SEMA6A: variants seen among roughly 807,000 people sequenced by gnomAD.
SEMA6A encodes the protein semaphorin 6A.
SEMA6A carries 25 observed loss-of-function variants against 96.8 expected under a neutral mutation model. The observed-to-expected ratio is 0.26, with a 90% confidence interval of 0.19 to 0.36. SEMA6A has a LOEUF of 0.36. Ranked by LOEUF, SEMA6A falls within the 10% of genes least tolerant of loss-of-function variation. The pLI, the probability that SEMA6A is intolerant of heterozygous loss-of-function variation, is 1.00. For missense variants in SEMA6A, 1,363 were observed against 1,323.1 expected, an observed-to-expected ratio of 1.03 and a Z score of -0.47; for synonymous variants, 612 against 518.0, an observed-to-expected ratio of 1.18 and a Z score of -2.46.
At chr5:116,495,721 T>C (rs1219969581) in intron 5 of SEMA6A, 4 of 510,968 alleles carry the variant, frequency 7.8e-6, no homozygotes, top group African/African-American at 3.9e-5. Flanking sequence ...AAACAAAGCA[T>C]AGAATGGAAG....
intron 1 of SEMA6A, among the ~76,000 whole-genome samples, chr5:116,512,193 C>T (rs1011142134): frequency 1.3e-5 from 2 of 152,170 alleles, no homozygotes; most frequent in African/African-American, 4.8e-5. Context: ...CACATCCCAT[C>T]GTAATTAGAA....
intron 1 of SEMA6A, among the ~76,000 whole-genome samples, chr5:116,548,384 G>A (rs939858877): frequency 6.6e-6 from 1 of 152,182 alleles, no homozygotes; most frequent in African/African-American, 2.4e-5. Flanking sequence ...GGTATATGGA[G>A]TGAAGTTCCA....
intron 17 of SEMA6A, chr5:116,468,790 C>T (rs1755927899): frequency 1.3e-5 from 2 of 152,132 alleles, no homozygotes; most frequent in South Asian, 4.1e-4. Context: ...TTAAAAGATA[C>T]AAGGGCAACT....
At chr5:116,457,052 A>C (rs1454505448) in intron 18 of SEMA6A, among the ~76,000 whole-genome samples, 2 of 152,184 alleles carry the variant, frequency 1.3e-5, no homozygotes, top group Non-Finnish European at 2.9e-5. Flanking sequence ...GCCTAGCACA[A>C]CAGTTCACTC....
intron 1 of SEMA6A, among the ~76,000 whole-genome samples, chr5:116,540,982 CATG>C (rs1759936669): frequency 6.6e-6 from 1 of 152,208 alleles, no homozygotes; most frequent in Admixed American, 6.5e-5. Flanking sequence ...AATTCACAAT[CATG>C]ATAATATTAA....
At chr5:116,508,091 T>A (rs1281757129) in intron 1 of SEMA6A, 2 of 152,148 alleles carry the variant, frequency 1.3e-5, no homozygotes, top group African/African-American at 4.8e-5. Flanking sequence ...ACAAATGGTG[T>A]TGTGATTATT....
intron 1 of SEMA6A, among the ~76,000 whole-genome samples, chr5:116,510,145 C>T (rs1356708440): frequency 6.6e-6 from 1 of 152,106 alleles, no homozygotes; most frequent in Non-Finnish European, 1.5e-5. Flanking sequence ...TCCCAGCATG[C>T]TATACTGCCT....
intron 1 of SEMA6A, among the ~76,000 whole-genome samples, chr5:116,527,606 C>T (rs967263170): frequency 4.6e-5 from 7 of 152,252 alleles, no homozygotes; most frequent in Non-Finnish European, 8.8e-5. Context: ...AGAAAGAAGT[C>T]GGTAATGTGT....
At chr5:116,513,644 G>A (rs1030854000) in intron 1 of SEMA6A, among the ~76,000 whole-genome samples, 1 of 150,382 alleles carries the variant, frequency 6.6e-6, no homozygotes, top group African/African-American at 2.5e-5. Flanking sequence ...TTAAGTTCAG[G>A]GATACATGGG....
chr5:116,544,496 A>C (rs1414008363), intron 1 of SEMA6A, among the ~76,000 whole-genome samples: 1 of 150,598 alleles, frequency 6.6e-6, no homozygotes, highest in East Asian at 1.9e-4. Flanking sequence ...TGGGGGTCTC[A>C]TTATGTTGCC....
In SEMA6A at chr5:116,447,706, C is replaced by G. The variant is rs770971409; in HGVS notation, c.2000G>C (p.Gly667Ala). The G allele has an allele frequency of 1.2e-6, 2 of 1,613,938 alleles. No individual in the cohort carries two copies. The highest frequency in any genetic ancestry group is 1.7e-6 in the Non-Finnish European group (2 of 1,179,850). ...LAFVMGAVFS[G>A]ITVYCVCDHR... The stretch of plus-strand genomic sequence containing the variant: ...ATCACAGACGCAGTAGACGGTGATG[C>G]CCGAGAAGACGGCCCCCATGACGAA... The change falls in exon 19 of 19, where the codon GGC becomes GCC. Residue 667 changes from glycine to alanine, a missense_variant. Transcript: ENST00000343348.
At chr5:116,555,527 T>C (rs1056471704) in intron 1 of SEMA6A, among the ~76,000 whole-genome samples, 1 of 152,172 alleles carries the variant, frequency 6.6e-6, no homozygotes, top group Non-Finnish European at 1.5e-5. Flanking sequence ...TATCTATACA[T>C]TGGTTTTGAG....
chr5:116,472,770 G>A (rs1345391108), intron 17 of SEMA6A: 3 of 706,650 alleles, frequency 4.2e-6, no homozygotes, highest in Non-Finnish European at 6.5e-6. Context: ...TAGTGAATTG[G>A]GGCCCTAAAG....
chr5:116,509,133 T>C (rs192068016), intron 1 of SEMA6A, among the ~76,000 whole-genome samples: 11 of 152,204 alleles, frequency 7.2e-5, no homozygotes, highest in African/African-American at 2.4e-4. Flanking sequence ...ATGAATACAA[T>C]TTGTGTCTGA....
chr5:116,493,591 G>T (rs1392900530), intron 6 of SEMA6A, among the ~76,000 whole-genome samples: 2 of 152,042 alleles, frequency 1.3e-5, no homozygotes, highest in Admixed American at 6.6e-5. Context: ...TGCCTCACTT[G>T]CTCCACCCTA....
In SEMA6A at chr5:116,544,937, G is replaced by A. The variant is rs528756493; in HGVS notation, c.-39+29248C>T. On this transcript the variant is annotated intron_variant, in intron 1 of 18. Transcript: ENST00000343348. ...GGTTCTCTTTGCCTTCTTGCTTCTA[G>A]TTTCAGTAAACAACTTTCCTTCCAG... Among the ~76,000 whole-genome samples the A allele has an allele frequency of 2.0e-5, 3 of 152,162 alleles. No individual in the cohort carries two copies. The East Asian group carries it at 5.8e-4, about 29-fold the overall frequency.
In SEMA6A at chr5:116,487,189, C is replaced by T. The variant is rs185256734; in HGVS notation, c.745-223G>A. 1,267 of 486,114 alleles carry T rather than the reference C, an allele frequency of 2.6e-3. 12 individuals carry two copies. The highest frequency in any genetic ancestry group is 1.1e-3 in the Non-Finnish European group (309 of 271,694). The allele number at this position is 486,114 out of a possible 1,614,324, so 30.1% of individuals were successfully genotyped here. ...AAGGCTGTGGCATTTAATACAGAGT[C>T]ATAAATCCTTCAGGGAATCAGCTCC... On this transcript the variant is annotated intron_variant, in intron 9 of 18. Coordinates refer to ENST00000343348, the MANE Select transcript of SEMA6A (RefSeq NM_020796.5).
At chr5:116,459,492 G>T (rs34971) in intron 18 of SEMA6A, among the ~76,000 whole-genome samples, 92,255 of 151,900 alleles carry the variant, frequency 0.61, 28,728 homozygotes, top group Non-Finnish European at 0.69. Context: ...TTCCAGGCTA[G>T]GATTTCAATC....
intron 1 of SEMA6A, among the ~76,000 whole-genome samples, chr5:116,562,030 G>C (rs1445799065): frequency 6.6e-6 from 1 of 151,868 alleles, no homozygotes; most frequent in Non-Finnish European, 1.5e-5. Context: ...AATCTACTCT[G>C]CTCTTTCTAA....
Sources: gnomAD v4.1 joint callset for allele counts (sites outside exome capture counted in the v4.1 genomes callset) on GRCh38, gnomAD v4.1.1 for gene constraint, MANE v1.5 for transcripts, NCBI Gene and HGNC (gene_info 2026-07-23, HGNC 2026-07-21) for gene names.